The following TPRG1 variants were observed in gnomAD, a reference collection of about 807,000 sequenced individuals.
The protein encoded by TPRG1 is tumor protein p63 regulated 1.
TPRG1 carries 29 observed loss-of-function variants against 29.3 expected under a neutral mutation model. That is an observed-to-expected ratio of 0.99 (90% confidence interval 0.74 to 1.35). The LOEUF (loss-of-function observed/expected upper bound fraction) is 1.35. TPRG1 is among the 40% of genes most tolerant of loss of function. The probability of loss-of-function intolerance (pLI) is 0.00; values close to 1 mark genes in which losing one functional copy is unlikely to be tolerated. For missense variants in TPRG1, 327 were observed against 335.0 expected (o/e 0.98, Z 0.19); for synonymous variants, 130 against 116.8 (o/e 1.11, Z -0.73).
chr3:189,292,916 G>A (rs1258529404), intron 4 of TPRG1, among the ~76,000 whole-genome samples: 1 of 152,066 alleles, frequency 6.6e-6, no homozygotes, highest in Non-Finnish European at 1.5e-5. Context: ...GGATGAGAGG[G>A]GCCTCTGCAG....
intron 1 of TPRG1, among the ~76,000 whole-genome samples, chr3:189,188,421 G>A (rs1731237869): frequency 6.6e-6 from 1 of 152,164 alleles, no homozygotes; most frequent in African/African-American, 2.4e-5. Flanking sequence ...TTGTGTTGGG[G>A]CCCAAGTTCT....
At chr3:189,134,099 AGGTCCC>A (rs1723432119) in intron 3 of TPRG1, among the ~76,000 whole-genome samples, 1 of 152,100 alleles carries the variant, frequency 6.6e-6, no homozygotes, top group African/African-American at 2.4e-5. Context: ...TTTCCAGTCA[AGGTCCC>A]AGCCCTTGGT....
rs1560689312 is a variant in TPRG1 at position 189,312,152 on chromosome 3, TC to T, written c.633+1614del. Among the ~76,000 whole-genome samples, 46 of 55,072 alleles carry T rather than the reference TC, an allele frequency of 8.4e-4. No homozygotes were observed. The East Asian group carries it at 0.011, about 13-fold the overall frequency. 36.1% of individuals were successfully genotyped at this position (55,072 alleles called of 152,430 possible). ...TTCTTTCTTTCTTTCTTTCTTTCTT[TC>T]TTTCTTTCTTTCTTTCTTTCTTTCT... On this transcript the variant is annotated intron_variant, in intron 5 of 5. Transcript: ENST00000345063.
intron 4 of TPRG1, among the ~76,000 whole-genome samples, chr3:189,082,170 C>T (rs764590070): frequency 6.6e-6 from 1 of 152,250 alleles, no homozygotes; most frequent in East Asian, 1.9e-4. Context: ...GTGTCTTCAA[C>T]GTGTAAAGAT....
At chr3:189,193,951 A>G (rs1732129885) in intron 1 of TPRG1, among the ~76,000 whole-genome samples, 1 of 146,994 alleles carries the variant, frequency 6.8e-6, no homozygotes, top group Admixed American at 6.9e-5. Context: ...AATTATTATA[A>G]TTTGTTGGTG....
chr3:189,183,781 T>A (rs1730555407), intron 1 of TPRG1, among the ~76,000 whole-genome samples: 1 of 152,022 alleles, frequency 6.6e-6, no homozygotes, highest in Non-Finnish European at 1.5e-5. Flanking sequence ...CTGTTCTTTT[T>A]TCAAGATGCC....
intron 4 of TPRG1, among the ~76,000 whole-genome samples, chr3:189,043,760 G>A (rs1714786191): frequency 6.6e-6 from 1 of 151,998 alleles, no homozygotes; most frequent in African/African-American, 2.4e-5. Flanking sequence ...TGGGGCTAGT[G>A]GTTGAATCAC....
chr3:189,263,938 G>T (rs1260923441), intron 4 of TPRG1, among the ~76,000 whole-genome samples: 2 of 152,152 alleles, frequency 1.3e-5, no homozygotes, highest in Non-Finnish European at 2.9e-5. Flanking sequence ...GGCGTGGAGA[G>T]GCAGGGTAGG....
At chr3:189,080,037 AC>A (rs1160615439) in intron 4 of TPRG1, among the ~76,000 whole-genome samples, 9 of 152,216 alleles carry the variant, frequency 5.9e-5, no homozygotes, top group African/African-American at 2.2e-4. Flanking sequence ...TGTTGAATGA[AC>A]GAATAAATGA....
At chr3:189,275,501 C>T (rs1715980715) in intron 4 of TPRG1, among the ~76,000 whole-genome samples, 1 of 152,040 alleles carries the variant, frequency 6.6e-6, no homozygotes, top group African/African-American at 2.4e-5. Context: ...AAGATAGTAA[C>T]AGGTGGGAAG....
intron 3 of TPRG1, among the ~76,000 whole-genome samples, chr3:189,013,279 C>T (rs947249790): frequency 3.3e-5 from 5 of 152,090 alleles, no homozygotes; most frequent in Admixed American, 1.3e-4. Flanking sequence ...ATTATTTACC[C>T]TAAATTCATT....
chr3:189,255,544 A>T (rs1352070703), intron 4 of TPRG1, among the ~76,000 whole-genome samples: 1 of 152,134 alleles, frequency 6.6e-6, no homozygotes, highest in Non-Finnish European at 1.5e-5. Context: ...TCATAAAATG[A>T]GTTAGGGAGA....
At position 189,259,462 on chromosome 3, in the gene TPRG1, C is replaced by CTT. The variant is rs35016491; in HGVS notation, c.479+20575_479+20576dup. 1.8e-3 allele frequency among the ~76,000 whole-genome samples: 162 copies of CTT among 92,112 alleles called. 3 individuals are homozygous for CTT. Among genetic ancestry groups the CTT allele is most frequent in the East Asian group, 8.1e-3 (33 of 4,072 alleles). 60.4% of individuals were successfully genotyped at this position (92,112 alleles called of 152,430 possible). ...GTTCAGCCATCTTGCCCAGGAATCC[C>CTT]TTTTTTTTTTTTTTTTTTTTTTTAC... On this transcript the variant is annotated intron_variant, in intron 4 of 5. Coordinates refer to ENST00000345063, the MANE Select transcript of TPRG1 (RefSeq NM_198485.4).
At chr3:189,219,885 C>T (rs963036722) in intron 3 of TPRG1, 1 of 475,102 alleles carries the variant, frequency 2.1e-6, no homozygotes, top group Non-Finnish European at 2.8e-6. Flanking sequence ...CCCCCAACTC[C>T]ACCTGGTGTC....
intron 2 of TPRG1, among the ~76,000 whole-genome samples, chr3:189,209,249 A>G (rs958502136): frequency 6.6e-5 from 10 of 152,232 alleles, no homozygotes; most frequent in Admixed American, 2.0e-4. Context: ...GTAAACCAGG[A>G]TAACAGTTGC....
chr3:189,323,866 T>C lies in TPRG1; in HGVS notation c.*3046T>C, dbSNP rs1410752120. On this transcript the variant is annotated 3_prime_UTR_variant, in exon 6 of 6. Coordinates refer to ENST00000345063, the MANE Select transcript of TPRG1 (RefSeq NM_198485.4). ...CTTTATCTCATTCAGGAATTTCCAC[T>C]TGAAAAATCTCTGATAAGCTTTATT... 6.6e-6 allele frequency: 1 copy of C among 152,158 alleles called. No individual in the cohort carries two copies. Among genetic ancestry groups the C allele is most frequent in the East Asian group, 1.9e-4 (1 of 5,194 alleles). 9.4% of individuals were successfully genotyped at this position (152,158 alleles called of 1,614,324 possible).
At chr3:189,109,552 C>G (rs1053854864) in intron 1 of TPRG1, among the ~76,000 whole-genome samples, 2 of 152,128 alleles carry the variant, frequency 1.3e-5, no homozygotes, top group African/African-American at 2.4e-5. Flanking sequence ...AGTTCATCCA[C>G]CAGTCCAGCA....
intron 4 of TPRG1, among the ~76,000 whole-genome samples, chr3:189,262,297 A>G (rs1713250777): frequency 6.7e-6 from 1 of 150,092 alleles, no homozygotes; most frequent in African/African-American, 2.5e-5. Flanking sequence ...CTTTGAAATG[A>G]CTGGATTGGG....
intron 3 of TPRG1, among the ~76,000 whole-genome samples, chr3:189,143,167 T>TTA (rs1224922926): frequency 6.6e-6 from 1 of 152,064 alleles, no homozygotes; most frequent in Admixed American, 6.6e-5. Context: ...CATCTTTTTT[T>TTA]TATATAGGAT....
Sources: gnomAD v4.1 joint callset for allele counts (sites outside exome capture counted in the v4.1 genomes callset) on GRCh38, gnomAD v4.1.1 for gene constraint, MANE v1.5 for transcripts, NCBI Gene and HGNC (gene_info 2026-07-23, HGNC 2026-07-21) for gene names.